Variants in PTPRT observed in about 807,000 individuals in gnomAD.
PTPRT encodes the protein protein tyrosine phosphatase receptor type T, also known as receptor-type tyrosine-protein phosphatase T.
Under a neutral mutation model 176.8 loss-of-function variants are expected in PTPRT, and 56 were observed. That is an observed-to-expected ratio of 0.32 (90% CI 0.26 to 0.40). The LOEUF is 0.40. Ranked by LOEUF, PTPRT falls within the 10% of genes least tolerant of loss-of-function variation. The pLI is 1.00. For missense variants in PTPRT, 1,540 were observed against 1,908.2 expected, an observed-to-expected ratio of 0.81 and a Z score of 3.60; for synonymous variants, 783 against 739.0, an observed-to-expected ratio of 1.06 and a Z score of -0.96.
At chr20:42,177,160 C>A (rs1990328883) in intron 16 of PTPRT, among the ~76,000 whole-genome samples, 1 of 152,156 alleles carries the variant, frequency 6.6e-6, no homozygotes, top group Non-Finnish European at 1.5e-5. Context: ...CTTCTATAGG[C>A]AGATTCTAAT....
At chr20:42,105,414 C>A (rs1430685548) in intron 24 of PTPRT, among the ~76,000 whole-genome samples, 3 of 152,160 alleles carry the variant, frequency 2.0e-5, no homozygotes, top group African/African-American at 7.2e-5. Context: ...ATTCTTTGTA[C>A]CTGCTGTACT....
At chr20:42,349,777 G>A (rs1402341056) in intron 11 of PTPRT, among the ~76,000 whole-genome samples, 7 of 152,086 alleles carry the variant, frequency 4.6e-5, no homozygotes, top group Admixed American at 6.6e-5. Context: ...TGGAGTTCTG[G>A]GCAAAACCGG....
chr20:42,635,778 G>A (rs532257739), intron 7 of PTPRT, among the ~76,000 whole-genome samples: 2 of 151,922 alleles, frequency 1.3e-5, no homozygotes, highest in Admixed American at 1.3e-4. Flanking sequence ...TCAGCTAATG[G>A]AATTCTAGGT....
At chr20:42,738,161 A>C (rs2076564573) in intron 6 of PTPRT, among the ~76,000 whole-genome samples, 1 of 152,158 alleles carries the variant, frequency 6.6e-6, no homozygotes, top group South Asian at 2.1e-4. Flanking sequence ...TGAGCCGTAA[A>C]ATTATAAACA....
At chr20:42,095,706 A>G (rs148798378) in intron 27 of PTPRT, among the ~76,000 whole-genome samples, 2 of 152,312 alleles carry the variant, frequency 1.3e-5, no homozygotes, top group African/African-American at 2.4e-5. Flanking sequence ...GTTGCTTATT[A>G]TCTGTCTCCT....
chr20:43,182,642 C>T (rs974538745), intron 1 of PTPRT, among the ~76,000 whole-genome samples: 2 of 152,088 alleles, frequency 1.3e-5, no homozygotes, highest in African/African-American at 2.4e-5. Flanking sequence ...CCATCCACCT[C>T]GGCCTCCCAA....
intron 1 of PTPRT, among the ~76,000 whole-genome samples, chr20:43,171,386 C>T (rs138018741): frequency 6.6e-6 from 1 of 152,110 alleles, no homozygotes; most frequent in African/African-American, 2.4e-5. Context: ...GGGAAAAGAA[C>T]AAAATACGGA....
Position 42,771,557 on chromosome 20 carries a change from G to C in PTPRT, c.569-7C>G, listed in dbSNP as rs1600720106. On this transcript the variant is annotated splice_region_variant and splice_polypyrimidine_tract_variant and intron_variant, in intron 4 of 30. Coordinates refer to ENST00000373187, the MANE Select transcript of PTPRT (RefSeq NM_007050.6). ...AGAAAATGAGGTGCTTTTCCTAAGA[G>C]AGAAACCAAAGAACACAAGAGAATG... 1 of 1,610,126 alleles carries C rather than the reference G, an allele frequency of 6.2e-7. No homozygotes were observed. Among genetic ancestry groups the C allele is most frequent in the South Asian group, 1.1e-5 (1 of 90,998 alleles).
chr20:42,508,703 G>C (rs1274161164), intron 7 of PTPRT, among the ~76,000 whole-genome samples: 1 of 151,614 alleles, frequency 6.6e-6, no homozygotes, highest in African/African-American at 2.4e-5. Context: ...GCTGAAATTA[G>C]AACCCAGACA....
intron 9 of PTPRT, among the ~76,000 whole-genome samples, chr20:42,355,002 T>C (rs1399427048): frequency 7.0e-6 from 1 of 142,618 alleles, no homozygotes; most frequent in Non-Finnish European, 1.6e-5. Context: ...GCTGCTCTGG[T>C]GGGCCTGTCT....
At chr20:43,054,568 G>GAAAA (rs539616628) in intron 1 of PTPRT, among the ~76,000 whole-genome samples, 1 of 119,630 alleles carries the variant, frequency 8.4e-6, no homozygotes, top group Non-Finnish European at 1.8e-5. Context: ...AAAAGAAGGG[G>GAAAA]AAAAAAAAAA....
intron 1 of PTPRT, among the ~76,000 whole-genome samples, chr20:42,997,307 G>C (rs1347727945): frequency 6.6e-6 from 1 of 152,110 alleles, no homozygotes; most frequent in African/African-American, 2.4e-5. Flanking sequence ...AAGTAATGCT[G>C]TATAACTTCT....
At chr20:42,208,253 G>T (rs1427997975) in intron 15 of PTPRT, among the ~76,000 whole-genome samples, 3 of 119,456 alleles carry the variant, frequency 2.5e-5, no homozygotes, top group Non-Finnish European at 5.1e-5. Flanking sequence ...AAAATCACCA[G>T]CTAACGTCAT....
chr20:42,184,977 T>C (rs1363189499), intron 16 of PTPRT, among the ~76,000 whole-genome samples: 1 of 152,004 alleles, frequency 6.6e-6, no homozygotes, highest in African/African-American at 2.4e-5. Context: ...GCTTCTCACC[T>C]AGAAGAATTT....
intron 7 of PTPRT, among the ~76,000 whole-genome samples, chr20:42,566,324 C>T (rs1466360351): frequency 2.6e-5 from 4 of 152,064 alleles, no homozygotes; most frequent in East Asian, 1.9e-4. Flanking sequence ...TTCATAGACA[C>T]GGGTTCTCCC....
At chr20:42,899,780 C>T (rs902614129) in intron 1 of PTPRT, among the ~76,000 whole-genome samples, 6 of 152,166 alleles carry the variant, frequency 3.9e-5, no homozygotes, top group Non-Finnish European at 8.8e-5. Flanking sequence ...GATGAAGTGT[C>T]AGAAGCACAA....
intron 7 of PTPRT, among the ~76,000 whole-genome samples, chr20:42,557,246 T>C (rs1232073698): frequency 6.6e-6 from 1 of 152,148 alleles, no homozygotes; most frequent in Non-Finnish European, 1.5e-5. Context: ...GTTATTATTC[T>C]AGACCCTAGG....
At chr20:42,298,693 C>T (rs924052568) in intron 12 of PTPRT, among the ~76,000 whole-genome samples, 2 of 152,204 alleles carry the variant, frequency 1.3e-5, no homozygotes, top group East Asian at 1.9e-4. Flanking sequence ...GAGGCTGAGG[C>T]GGGCTGATCA....
intron 1 of PTPRT, among the ~76,000 whole-genome samples, chr20:42,937,650 G>C (rs1036315905): frequency 6.6e-6 from 1 of 152,228 alleles, no homozygotes; most frequent in South Asian, 2.1e-4. Flanking sequence ...TCAGAGAGTT[G>C]AGAGCAGCTC....
Sources: gnomAD v4.1 joint callset for allele counts (sites outside exome capture counted in the v4.1 genomes callset) on GRCh38, gnomAD v4.1.1 for gene constraint, MANE v1.5 for transcripts, NCBI Gene and HGNC (gene_info 2026-07-23, HGNC 2026-07-21) for gene names.